Variants in TENM3 observed in about 807,000 individuals in gnomAD.
The protein encoded by TENM3 is teneurin transmembrane protein 3.
In TENM3, 63 loss-of-function variants were observed where a neutral mutation model predicts 255.1. The ratio of observed to expected loss-of-function variants is 0.25; its 90% CI spans 0.20 to 0.30. TENM3 has a LOEUF of 0.30. TENM3 is among the 10% of genes least tolerant of loss of function. TENM3 has a pLI of 1.00. For missense variants in TENM3, 2,929 were observed against 3,461.1 expected, an observed-to-expected ratio of 0.85 and a Z score of 3.86; for synonymous variants, 1,306 against 1,322.3, an observed-to-expected ratio of 0.99 and a Z score of 0.27.
intron 3 of TENM3, among the ~76,000 whole-genome samples, chr4:182,430,121 A>G (rs751752123): frequency 1.3e-5 from 2 of 152,224 alleles, no homozygotes; most frequent in Non-Finnish European, 2.9e-5. Context: ...AGGATAACAT[A>G]AGGCAGCAGG....
At chr4:181,665,751 C>A in the TENM3 span, among the ~76,000 whole-genome samples, 1 of 151,876 alleles carries the variant, frequency 6.6e-6, no homozygotes, top group Non-Finnish European at 1.5e-5. Context: ...CACCTGGAGA[C>A]AATTTTTAAC....
Position 182,690,366 on chromosome 4 carries a change from A to C in TENM3, c.2221+2015A>C, listed in dbSNP as rs78441008. Among the ~76,000 whole-genome samples, 139 of 152,308 alleles carry C rather than the reference A, an allele frequency of 9.1e-4. 3 individuals are homozygous for C. The East Asian group carries it at 0.023, about 25-fold the overall frequency. On this transcript the variant is annotated intron_variant, in intron 12 of 27. Coordinates refer to ENST00000511685, the MANE Select transcript of TENM3 (RefSeq NM_001080477.4). ...AGGCAGAAGAAAGTTGATGAGCAGG[A>C]TTTGTGTATCTTTTTGTGGCCATAC... is the stretch of plus-strand genomic sequence containing the variant.
chr4:182,646,885 C>T (rs1404493865), intron 5 of TENM3, among the ~76,000 whole-genome samples: 1 of 152,134 alleles, frequency 6.6e-6, no homozygotes. Flanking sequence ...GTATTGTGGT[C>T]TCTTCTTTTG....
the TENM3 span, among the ~76,000 whole-genome samples, chr4:181,714,669 G>A: frequency 6.6e-6 from 1 of 152,098 alleles, no homozygotes; most frequent in Non-Finnish European, 1.5e-5. Flanking sequence ...CCATAGGCCA[G>A]CTCTTTCTGT....
chr4:182,061,514 A>C, the TENM3 span, among the ~76,000 whole-genome samples: 1 of 152,148 alleles, frequency 6.6e-6, no homozygotes, highest in Non-Finnish European at 1.5e-5. Flanking sequence ...GTAATCCATG[A>C]TGAGGGTCTT....
chr4:181,784,314 A>G, the TENM3 span, among the ~76,000 whole-genome samples: 2 of 152,112 alleles, frequency 1.3e-5, no homozygotes, highest in African/African-American at 4.8e-5. Flanking sequence ...ATCTATGAAA[A>G]TGAACATGTG....
intron 22 of TENM3, among the ~76,000 whole-genome samples, chr4:182,764,936 A>G (rs1362348942): frequency 6.6e-6 from 1 of 152,240 alleles, no homozygotes; most frequent in Non-Finnish European, 1.5e-5. Flanking sequence ...GTCAGTCATT[A>G]GGACATGAAA....
chr4:182,600,913 T>C lies in TENM3; in HGVS notation c.512-11T>C. On this transcript the variant is annotated splice_polypyrimidine_tract_variant and intron_variant, in intron 3 of 27. Transcript: ENST00000511685. ...GTTCTCTTTCTTTTTTTTTTTTTTT[T>C]TTTTTTTCAGAGCAACCTGCAAGCA... 2.3e-6 allele frequency: 3 copies of C among 1,320,974 alleles called. No homozygotes were observed. The highest frequency in any genetic ancestry group is 2.6e-5 in the East Asian group (1 of 38,740). 81.8% of individuals were successfully genotyped at this position (1,320,974 alleles called of 1,614,324 possible). A position where few individuals can be genotyped will look rare whatever the true frequency, so the allele number is the denominator to read the frequency against.
the TENM3 span, among the ~76,000 whole-genome samples, chr4:181,514,704 G>GA: frequency 6.6e-6 from 1 of 152,060 alleles, no homozygotes; most frequent in Admixed American, 6.5e-5. Flanking sequence ...CAAAGTCTAA[G>GA]AAAAAAACAA....
chr4:182,754,543 T>C lies in TENM3; in HGVS notation c.4176T>C (p.Pro1392=), dbSNP rs1340032857. 31 of 1,613,872 alleles carry C rather than the reference T, an allele frequency of 1.9e-5. No homozygotes were observed. Among genetic ancestry groups the C allele is most frequent in the Non-Finnish European group, 2.5e-5 (30 of 1,179,884 alleles). ...MHCQVPGVEY[P]VGKHAVQTTL... ...GTCAGGTTCCCGGAGTGGAATATCC[T>C]GTGGGGAAGCACGCGGTGCAGACAA... is the stretch of plus-strand genomic sequence containing the variant. Residue 1392 remains proline (P), a synonymous_variant, in exon 22 of 28, where the codon CCT becomes CCC. Transcript: ENST00000511685. The surrounding 1 kb of genome is among the most constrained non-coding windows in gnomAD (Gnocchi z 5.1).
At chr4:181,500,326 G>A in the TENM3 span, among the ~76,000 whole-genome samples, 3 of 144,518 alleles carry the variant, frequency 2.1e-5, no homozygotes, top group African/African-American at 7.5e-5. Flanking sequence ...ACCGCACCCG[G>A]CCTTATGGAA....
chr4:182,514,334 T>C (rs551961323), intron 3 of TENM3, among the ~76,000 whole-genome samples: 5 of 152,308 alleles, frequency 3.3e-5, no homozygotes, highest in Non-Finnish European at 7.4e-5. Flanking sequence ...AGATGACTAC[T>C]GACAGATTTC....
rs200853850 is a variant in TENM3, at chr4:182,799,856, G to C, written c.7605G>C (p.Glu2535Asp). 31 of 1,611,386 alleles carry C rather than the reference G, an allele frequency of 1.9e-5. No individual in the cohort carries two copies. Among genetic ancestry groups the C allele is most frequent in the Non-Finnish European group, 2.4e-5 (28 of 1,179,016 alleles). ...AAVLNNAFYL[E>D]NLHFTIEGKD... ...TGCTCAACAACGCCTTCTACCTGGA[G>C]AACCTGCACTTCACCATCGAGGGCA... The change falls in exon 28 of 28, where the codon GAG becomes GAC. Residue 2535 changes from glutamate (E) to aspartate (D), a missense_variant. Around this residue, in one of 6 missense-constraint regions of TENM3, gnomAD observed 476 missense variants for 480.1 expected, o/e 0.99. Transcript: ENST00000511685. The surrounding 1 kb of genome is among the most constrained non-coding windows in gnomAD (Gnocchi z 4.2).
At chr4:182,499,402 AAC>A (rs1196688028) in intron 3 of TENM3, among the ~76,000 whole-genome samples, 1 of 152,206 alleles carries the variant, frequency 6.6e-6, no homozygotes, top group African/African-American at 2.4e-5. Flanking sequence ...CTTCCCCAAC[AAC>A]ACAGAACTGA....
chr4:181,526,473 G>A, the TENM3 span, among the ~76,000 whole-genome samples: 2 of 152,130 alleles, frequency 1.3e-5, no homozygotes, highest in Non-Finnish European at 2.9e-5. Flanking sequence ...TTTATAACGT[G>A]ATTGAAATGT....
At chr4:182,753,960 A>C (rs896251388) in intron 21 of TENM3, among the ~76,000 whole-genome samples, 7 of 152,312 alleles carry the variant, frequency 4.6e-5, no homozygotes, top group African/African-American at 1.7e-4. Context: ...ACCCACTATG[A>C]TTAGTGCCAA....
chr4:182,388,151 T>G (rs1457763903), intron 3 of TENM3, among the ~76,000 whole-genome samples: 1 of 152,118 alleles, frequency 6.6e-6, no homozygotes, highest in African/African-American at 2.4e-5. Flanking sequence ...TCTCTGTAGC[T>G]GCCTCTTCCC....
chr4:181,531,703 A>G, the TENM3 span, among the ~76,000 whole-genome samples: 1 of 152,224 alleles, frequency 6.6e-6, no homozygotes, highest in Non-Finnish European at 1.5e-5. Context: ...GCTGTAAAGG[A>G]GAAGCCCAGG....
At chr4:181,973,509 G>A in the TENM3 span, among the ~76,000 whole-genome samples, 2 of 152,208 alleles carry the variant, frequency 1.3e-5, no homozygotes, top group Non-Finnish European at 2.9e-5. Flanking sequence ...GATCGCTTGA[G>A]GCTGGGAGTT....
Sources: allele counts gnomAD v4.1 joint callset (sites outside exome capture counted in the v4.1 genomes callset), GRCh38; gene constraint gnomAD v4.1.1; regional missense constraint gnomAD v4.1.1; non-coding constraint Gnocchi (gnomAD v3.1); transcripts MANE v1.5; gene names NCBI Gene and HGNC (gene_info 2026-07-23, HGNC 2026-07-21).